Variants in SIL1 observed in about 807,000 individuals in gnomAD.
SIL1 encodes nucleotide exchange factor SIL1.
Under a neutral mutation model 49.1 loss-of-function variants are expected in SIL1, and 40 were observed. The ratio of observed to expected loss-of-function variants is 0.81; its 90% CI spans 0.63 to 1.06. The LOEUF (loss-of-function observed/expected upper bound fraction) is 1.06, where lower values mean the gene tolerates loss of function less well. Among genes scored for constraint, SIL1 ranks in the 50% least tolerant of loss-of-function variants. The pLI, the probability that SIL1 is intolerant of heterozygous loss-of-function variation, is 0.00. For missense variants in SIL1, 500 were observed against 572.6 expected (o/e 0.87, Z 1.29); for synonymous variants, 253 against 250.8 (o/e 1.01, Z -0.08).
intron 5 of SIL1, chr5:139,034,357 T>A (rs1768857004): frequency 6.6e-6 from 1 of 152,126 alleles, no homozygotes; most frequent in Non-Finnish European, 1.5e-5. Flanking sequence ...ATGTTAGAGC[T>A]TAAATACACC....
chr5:139,057,710 G>A (rs1271538090), intron 3 of SIL1, among the ~76,000 whole-genome samples: 1 of 152,226 alleles, frequency 6.6e-6, no homozygotes, highest in Non-Finnish European at 1.5e-5. Flanking sequence ...GTCTTAGAGT[G>A]TGTCCTAGTC....
intron 1 of SIL1, among the ~76,000 whole-genome samples, chr5:139,130,136 T>C (rs1244669686): frequency 1.3e-5 from 2 of 152,014 alleles, no homozygotes; most frequent in Non-Finnish European, 2.9e-5. Flanking sequence ...TTTTTTAAAT[T>C]AGCCAGGTGT....
chr5:139,184,984 A>G (rs1752053224), intron 1 of SIL1, among the ~76,000 whole-genome samples: 1 of 152,210 alleles, frequency 6.6e-6, no homozygotes, highest in Admixed American at 6.5e-5. Flanking sequence ...AAAAAATAAC[A>G]ATACAGCAGG....
rs183110121 is a variant in SIL1, at chr5:138,963,389, C to A, written c.768-11505G>T. Among the ~76,000 whole-genome samples, 30 of 152,318 alleles carry A rather than the reference C, an allele frequency of 2.0e-4. No individual in the cohort carries two copies. In the East Asian group the frequency reaches 2.5e-3, roughly 13 times the overall value. ...AATCTCACTGTGTGAAAAATCATCTCCTCAATCAGAGCCAGTGGAATCACG... is the reference window on the plus strand; with the variant it reads ...AATCTCACTGTGTGAAAAATCATCTACTCAATCAGAGCCAGTGGAATCACG... On this transcript the variant is annotated intron_variant, in intron 7 of 9. Coordinates refer to ENST00000394817, the MANE Select transcript of SIL1 (RefSeq NM_022464.5).
At position 139,144,732 on chromosome 5, in the gene SIL1, G is replaced by A. The variant is rs535767673; in HGVS notation, c.-10-16879C>T. Reference sequence around the variant, plus strand: ...CTAAAAATACAAAAATTAGCCGGGCGTGGTGGCGGGCACCTTTAGTCCCAG... The same window carrying A: ...CTAAAAATACAAAAATTAGCCGGGCATGGTGGCGGGCACCTTTAGTCCCAG... On this transcript the variant is annotated intron_variant, in intron 1 of 9. Transcript: ENST00000394817. Among the ~76,000 whole-genome samples the A allele has an allele frequency of 2.8e-3, 422 of 152,144 alleles. 1 individual carries two copies. Among genetic ancestry groups the A allele is most frequent in the African/African-American group, 9.9e-3 (411 of 41,516 alleles).
intron 7 of SIL1, among the ~76,000 whole-genome samples, chr5:139,007,289 G>A (rs1768142597): frequency 8.1e-6 from 1 of 122,770 alleles, no homozygotes; most frequent in Admixed American, 8.1e-5. Context: ...AAGAATGCTT[G>A]TGATTTTTGT....
At chr5:139,177,526 C>T (rs1189506884) in intron 1 of SIL1, among the ~76,000 whole-genome samples, 1 of 152,074 alleles carries the variant, frequency 6.6e-6, no homozygotes, top group Admixed American at 6.6e-5. Context: ...GCATGAGCCA[C>T]CGCGCCCAGC....
intron 1 of SIL1, among the ~76,000 whole-genome samples, chr5:139,153,233 C>T (rs1467565200): frequency 6.6e-6 from 1 of 152,174 alleles, no homozygotes; most frequent in Non-Finnish European, 1.5e-5. Flanking sequence ...TCCTCTTTAT[C>T]TGACAAATTC....
intron 7 of SIL1, among the ~76,000 whole-genome samples, chr5:138,983,275 G>A (rs1381165597): frequency 6.7e-5 from 10 of 149,172 alleles, no homozygotes; most frequent in Admixed American, 2.0e-4. Flanking sequence ...TTGGGAGGCC[G>A]AGGAGGGCGG....
intron 7 of SIL1, among the ~76,000 whole-genome samples, chr5:138,984,817 G>C (rs1252251667): frequency 6.6e-6 from 1 of 152,194 alleles, no homozygotes; most frequent in Admixed American, 6.5e-5. Flanking sequence ...GTGGGCAAAG[G>C]GTCCAGCTGA....
At position 139,005,205 on chromosome 5, in the gene SIL1, T is replaced by C. The variant is rs114969894; in HGVS notation, c.767+15966A>G. Among the ~76,000 whole-genome samples the C allele has an allele frequency of 8.8e-4, 134 of 152,028 alleles. 1 individual carries two copies. The highest frequency in any genetic ancestry group is 3.0e-3 in the African/African-American group (126 of 41,472). Reference sequence around the variant, plus strand: ...CAGAATGTATATATATTTTGAAATATCATGTTTTACAAAATAAATACATAT... The same window carrying C: ...CAGAATGTATATATATTTTGAAATACCATGTTTTACAAAATAAATACATAT... On this transcript the variant is annotated intron_variant, in intron 7 of 9. Coordinates refer to ENST00000394817, the MANE Select transcript of SIL1 (RefSeq NM_022464.5).
chr5:139,114,108 T>C (rs1380428130), intron 3 of SIL1, among the ~76,000 whole-genome samples: 2 of 152,232 alleles, frequency 1.3e-5, no homozygotes, highest in African/African-American at 4.8e-5. Context: ...GACCCTGGCC[T>C]GTCCCATCCG....
chr5:139,163,948 G>A (rs767651301), intron 1 of SIL1, among the ~76,000 whole-genome samples: 13 of 151,852 alleles, frequency 8.6e-5, no homozygotes, highest in Admixed American at 4.6e-4. Context: ...GTGAAACCCC[G>A]TCTCTACTAA....
chr5:138,973,377 G>GA (rs369674716), intron 7 of SIL1, among the ~76,000 whole-genome samples: 73 of 148,478 alleles, frequency 4.9e-4, no homozygotes, highest in Non-Finnish European at 7.5e-4. Context: ...TCATGGTAAA[G>GA]AAAAAAAAAA....
intron 1 of SIL1, among the ~76,000 whole-genome samples, chr5:139,165,961 C>T (rs1031924421): frequency 6.6e-6 from 1 of 152,058 alleles, no homozygotes; most frequent in African/African-American, 2.4e-5. Flanking sequence ...CCACGCCTGG[C>T]CTGTATTTCT....
intron 7 of SIL1, among the ~76,000 whole-genome samples, chr5:138,954,365 G>GCAGCCCTGGGCCCATGCCCTGC (rs1766855235): frequency 6.6e-6 from 1 of 152,282 alleles, no homozygotes; most frequent in Non-Finnish European, 1.5e-5. Context: ...CACAGCCTTG[G>GCAGCCCTGGGCCCATGCCCTGC]CAGCCCTGGG....
chr5:139,170,313 T>A (rs547662601), intron 1 of SIL1, among the ~76,000 whole-genome samples: 2 of 152,050 alleles, frequency 1.3e-5, no homozygotes, highest in Admixed American at 1.3e-4. Flanking sequence ...GAGGAGCGTC[T>A]CTGCTTGGCC....
intron 2 of SIL1, among the ~76,000 whole-genome samples, chr5:139,126,015 G>A (rs1750745414): frequency 6.6e-6 from 1 of 152,178 alleles, no homozygotes; most frequent in Admixed American, 6.5e-5. Context: ...GTCATCAGGA[G>A]CACTTACCTG....
intron 3 of SIL1, among the ~76,000 whole-genome samples, chr5:139,118,773 A>G (rs1750540886): frequency 6.6e-6 from 1 of 152,204 alleles, no homozygotes; most frequent in Non-Finnish European, 1.5e-5. Context: ...CACACCCTTG[A>G]GAGGTCAGTT....
Sources: allele counts gnomAD v4.1 joint callset (sites outside exome capture counted in the v4.1 genomes callset), GRCh38; gene constraint gnomAD v4.1.1; transcripts MANE v1.5; gene names NCBI Gene and HGNC (gene_info 2026-07-23, HGNC 2026-07-21).